PPTC7: variants seen among roughly 807,000 people sequenced by gnomAD.
PPTC7 encodes the protein protein phosphatase targeting COQ7.
In PPTC7, 6 loss-of-function variants were observed where a neutral mutation model predicts 30.8. The ratio of observed to expected loss-of-function variants is 0.19; its 90% CI spans 0.11 to 0.38. The LOEUF is 0.38. PPTC7 is among the 10% of genes least tolerant of loss of function. The pLI, the probability that PPTC7 is intolerant of heterozygous loss-of-function variation, is 1.00. For synonymous variants in PPTC7, 163 were observed against 168.1 expected (o/e 0.97, Z 0.23); for missense variants, 218 against 404.8 (o/e 0.54, Z 3.96).
chr12:110,579,148 CAAA>C (rs58157987), intron 1 of PPTC7, among the ~76,000 whole-genome samples: 1 of 130,490 alleles, frequency 7.7e-6, no homozygotes, highest in Admixed American at 7.8e-5. Flanking sequence ...GACTCTATCT[CAAA>C]AAAAAAAAAA....
chr12:110,566,665 A>G (rs1476748394), intron 1 of PPTC7, among the ~76,000 whole-genome samples: 1 of 152,216 alleles, frequency 6.6e-6, no homozygotes, highest in Non-Finnish European at 1.5e-5. Flanking sequence ...AATCAGAAAA[A>G]AAAGAGTCTT....
intron 1 of PPTC7, among the ~76,000 whole-genome samples, chr12:110,556,971 G>C (rs544840750): frequency 6.6e-6 from 1 of 152,148 alleles, no homozygotes; most frequent in African/African-American, 2.4e-5. Context: ...TTCCACGGCA[G>C]GGAAGGATAA....
chr12:110,543,117 C>T (rs180952144), intron 3 of PPTC7, among the ~76,000 whole-genome samples: 1 of 152,194 alleles, frequency 6.6e-6, no homozygotes, highest in East Asian at 1.9e-4. Context: ...CACGGAAAAA[C>T]CCCAACACTT....
intron 1 of PPTC7, among the ~76,000 whole-genome samples, chr12:110,578,733 C>A (rs1173089509): frequency 6.6e-6 from 1 of 152,080 alleles, no homozygotes; most frequent in Non-Finnish European, 1.5e-5. Context: ...TCTACAGAAC[C>A]AAAAGGTTCA....
chr12:110,547,166 C>T (rs1204428432), intron 2 of PPTC7, among the ~76,000 whole-genome samples: 1 of 152,128 alleles, frequency 6.6e-6, no homozygotes, highest in Non-Finnish European at 1.5e-5. Flanking sequence ...TGAGAAAGAA[C>T]TGGAAACAAT....
intron 1 of PPTC7, 46 bp downstream of exon 1, chr12:110,582,763 G>A (rs1308235274): frequency 2.0e-6 from 3 of 1,466,806 alleles, no homozygotes; most frequent in East Asian, 2.6e-5. Flanking sequence ...GAGTCCCCGG[G>A]AGGCGGATCC....
chr12:110,569,032 G>A (rs1173599743), intron 1 of PPTC7, among the ~76,000 whole-genome samples: 4 of 119,818 alleles, frequency 3.3e-5, no homozygotes, highest in Admixed American at 8.7e-5. Flanking sequence ...CCCTGTCCCC[G>A]CCCCCCCCCC....
intron 1 of PPTC7, among the ~76,000 whole-genome samples, chr12:110,576,449 T>C (rs908792394): frequency 9.9e-5 from 15 of 152,104 alleles, no homozygotes; most frequent in Admixed American, 6.5e-4. Flanking sequence ...CTATTCACAA[T>C]AGCCAAAAGT....
chr12:110,555,182 G>A lies in PPTC7; in HGVS notation c.224-3214C>T, dbSNP rs561098875. The stretch of plus-strand genomic sequence containing the variant: ...TTAACAAAAAGAAAGGGAACACATC[G>A]TGAAAAAGTAAGAGGAAACAGAATT... On this transcript the variant is annotated intron_variant, in intron 1 of 5. Transcript: ENST00000354300. 1.4e-3 allele frequency among the ~76,000 whole-genome samples: 208 copies of A among 152,264 alleles called. 1 individual carries two copies. Among genetic ancestry groups the A allele is most frequent in the Non-Finnish European group, 2.4e-3 (164 of 68,016 alleles).
intron 2 of PPTC7, 114 bp from the exon 3 acceptor site, chr12:110,546,192 A>T: frequency 1.3e-6 from 1 of 793,528 alleles, no homozygotes. Flanking sequence ...CCTTTGCCTA[A>T]ACAGGACCTT....
At chr12:110,578,927 C>CTG (rs2064612388) in intron 1 of PPTC7, among the ~76,000 whole-genome samples, 1 of 152,164 alleles carries the variant, frequency 6.6e-6, no homozygotes, top group Non-Finnish European at 1.5e-5. Context: ...AGGTGGATGA[C>CTG]ATGAGGTCAG....
chr12:110,537,190 A>G (rs776284250), intron 5 of PPTC7, 95 bp from the exon 6 acceptor site: 94 of 976,986 alleles, frequency 9.6e-5, no homozygotes, highest in Non-Finnish European at 1.4e-4. Flanking sequence ...AAATGCTTGC[A>G]TTCCAGGCAG....
chr12:110,564,243 T>C (rs1000298667), intron 1 of PPTC7, among the ~76,000 whole-genome samples: 6 of 152,212 alleles, frequency 3.9e-5, no homozygotes, highest in South Asian at 2.1e-4. Context: ...GTCATACTTA[T>C]TGTAAGTTAT....
rs572211369 is a variant in PPTC7 at position 110,551,606 on chromosome 12, C to G, written c.403+183G>C. On this transcript the variant is annotated intron_variant, in intron 2 of 5. Transcript: ENST00000354300. Reference sequence around the variant, plus strand: ...AGGTGATCTGCCCACCTCAGCCTCCCAAAGTGCTGGGATTACAGGCGTGAG... The same window carrying G: ...AGGTGATCTGCCCACCTCAGCCTCCGAAAGTGCTGGGATTACAGGCGTGAG... Among the ~76,000 whole-genome samples the G allele has an allele frequency of 2.0e-5, 3 of 152,318 alleles. No homozygotes were observed. In the South Asian group the frequency reaches 6.2e-4, roughly 32 times the overall value.
intron 1 of PPTC7, among the ~76,000 whole-genome samples, chr12:110,578,006 C>A (rs1053613465): frequency 1.3e-5 from 2 of 152,108 alleles, no homozygotes; most frequent in Non-Finnish European, 2.9e-5. Context: ...GAAAACTTGA[C>A]CAGTGGTCTA....
Position 110,582,923 on chromosome 12 carries a change from C to G in PPTC7, c.109G>C (p.Val37Leu). The G allele has an allele frequency of 1.9e-6, 3 of 1,549,370 alleles. No individual in the cohort carries two copies. Among genetic ancestry groups the G allele is most frequent in the Admixed American group, 2.0e-5 (1 of 51,188 alleles). Residue 37 changes from valine to leucine, a missense_variant, in exon 1 of 6, where the codon GTG becomes CTG. Val to Leu is a conservative substitution (Grantham distance 32, BLOSUM62 1). Transcript: ENST00000354300. Reference sequence around the variant, plus strand: ...TTCCCGAAGCCGCAGCCGGCCGTCACCAGTCCGTAGTCGCCGCCGCCGCCG... The same window carrying G: ...TTCCCGAAGCCGCAGCCGGCCGTCAGCAGTCCGTAGTCGCCGCCGCCGCCG... ...GGGGGGDYGL[V>L]TAGCGFGKDF...
chr12:110,569,034 C>G (rs1006126315), intron 1 of PPTC7, among the ~76,000 whole-genome samples: 5 of 28,582 alleles, frequency 1.7e-4, no homozygotes, highest in Admixed American at 5.9e-4. Context: ...CTGTCCCCGC[C>G]CCCCCCCCTC....
intron 1 of PPTC7, among the ~76,000 whole-genome samples, chr12:110,561,629 C>G (rs573160067): frequency 6.6e-6 from 1 of 151,754 alleles, no homozygotes; most frequent in South Asian, 2.1e-4. Flanking sequence ...CAGCCTATAT[C>G]AACATTTCTT....
chr12:110,569,574 A>T (rs936444187), intron 1 of PPTC7, among the ~76,000 whole-genome samples: 1 of 152,198 alleles, frequency 6.6e-6, no homozygotes, highest in African/African-American at 2.4e-5. Flanking sequence ...TGTGGGACTT[A>T]TAAGTCACAC....
Sources: gnomAD v4.1 joint callset for allele counts (sites outside exome capture counted in the v4.1 genomes callset) on GRCh38, gnomAD v4.1.1 for gene constraint, MANE v1.5 for transcripts, NCBI Gene and HGNC (gene_info 2026-07-23, HGNC 2026-07-21) for gene names.